The following ANKHD1 variants were observed in gnomAD, a reference collection of about 807,000 sequenced individuals.
The protein encoded by ANKHD1 is ankyrin repeat and KH domain containing 1, also known as ankyrin repeat and KH domain-containing protein 1.
A neutral mutation model predicts 230.5 loss-of-function variants in ANKHD1; 31 were observed. The observed-to-expected ratio is 0.13, with a 90% CI of 0.10 to 0.18. ANKHD1 has a LOEUF of 0.18. ANKHD1 is among the 10% of genes least tolerant of loss of function. The pLI, the probability that ANKHD1 is intolerant of heterozygous loss-of-function variation, is 1.00. For missense variants in ANKHD1, 2,256 were observed against 3,071.3 expected, an observed-to-expected ratio of 0.73 and a Z score of 6.27; for synonymous variants, 1,074 against 1,117.6, an observed-to-expected ratio of 0.96 and a Z score of 0.78.
Position 140,436,246 on chromosome 5 carries a change from T to C in ANKHD1, c.449T>C (p.Leu150Pro). 6.4e-7 allele frequency: 1 copy of C among 1,570,686 alleles called. No homozygotes were observed. The highest frequency in any genetic ancestry group is 1.2e-5 in the South Asian group (1 of 83,202). ...ACACAGGCACGACTAGAAGCATTGCTAGAAGCAGCAGGTACTTTATTTTTT... is the reference window on the plus strand; with the variant it reads ...ACACAGGCACGACTAGAAGCATTGCCAGAAGCAGCAGGTACTTTATTTTTT... ...PETQARLEAL[L>P]EAAGIGKLST... Residue 150 changes from leucine to proline, a missense_variant, in exon 2 of 34, where the codon CTA (leucine) becomes CCA (proline). Around this residue, in one of 13 missense-constraint regions of ANKHD1, gnomAD observed 206 missense variants for 304.5 expected, o/e 0.68. Coordinates refer to ENST00000360839, the MANE Select transcript of ANKHD1 (RefSeq NM_017747.3).
chr5:140,440,224 G>A lies in ANKHD1; in HGVS notation c.723G>A (p.Leu241=), dbSNP rs912613351. 3 of 1,613,338 alleles carry A rather than the reference G, an allele frequency of 1.9e-6. No individual in the cohort carries two copies. Among genetic ancestry groups the A allele is most frequent in the Non-Finnish European group, 2.5e-6 (3 of 1,179,570 alleles). ...VNEHTEEGES[L]LCLACSAGYY... is the part of the protein sequence containing the mutation. ...AACATACAGAAGAAGGAGAAAGCCT[G>A]CTGTGTTTGGCTTGTTCAGCAGGGT... Residue 241 remains leucine, a synonymous_variant, in exon 4 of 34, where the codon CTG becomes CTA. Transcript: ENST00000360839.
chr5:140,418,757 G>C (rs1264419830), intron 1 of ANKHD1, among the ~76,000 whole-genome samples: 1 of 152,148 alleles, frequency 6.6e-6, no homozygotes, highest in Non-Finnish European at 1.5e-5. Context: ...TTGAGTCCGA[G>C]TCTTGCTCTG....
intron 7 of ANKHD1, 35 bp downstream of exon 7, chr5:140,449,340 G>T (rs1453906001): frequency 1.3e-6 from 2 of 1,599,832 alleles, no homozygotes; most frequent in Non-Finnish European, 1.7e-6. Context: ...AGATTTTATG[G>T]GAAGAAAAGG....
chr5:140,438,322 C>A, intron 2 of ANKHD1, 139 bp from the exon 3 acceptor site: 1 of 1,255,644 alleles, frequency 8.0e-7, no homozygotes, highest in Non-Finnish European at 1.0e-6. Flanking sequence ...TAAGCCTTAT[C>A]TTCTGTCAAC....
chr5:140,423,568 C>T (rs192508954), intron 1 of ANKHD1, among the ~76,000 whole-genome samples: 120 of 152,350 alleles, frequency 7.9e-4, no homozygotes, highest in African/African-American at 2.8e-3. Context: ...GCCTGTGATG[C>T]TTCAGGGCCT....
intron 10 of ANKHD1, among the ~76,000 whole-genome samples, chr5:140,478,585 G>A (rs1406645720): frequency 6.6e-6 from 1 of 152,040 alleles, no homozygotes; most frequent in Non-Finnish European, 1.5e-5. Context: ...TATATAGAAG[G>A]TAAAGGTTCA....
At chr5:140,471,332 G>A (rs1776481850) in intron 10 of ANKHD1, among the ~76,000 whole-genome samples, 1 of 152,056 alleles carries the variant, frequency 6.6e-6, no homozygotes, top group African/African-American at 2.4e-5. Context: ...TTTATTGTTT[G>A]TTTTGTAGGA....
chr5:140,526,164 C>G lies in ANKHD1; in HGVS notation c.4661C>G (p.Pro1554Arg). 6.2e-7 allele frequency: 1 copy of G among 1,613,722 alleles called. No homozygotes were observed. Among genetic ancestry groups the G allele is most frequent in the Non-Finnish European group, 8.5e-7 (1 of 1,179,958 alleles). ...KNKKNKTKET[P>R]PTAHLILPEQ... ...AAGAAGAACAAAACAAAAGAAACCCCTCCTACAGCACATTTAATTTTACCA... is the reference window on the plus strand; with the variant it reads ...AAGAAGAACAAAACAAAAGAAACCCGTCCTACAGCACATTTAATTTTACCA... The change falls in exon 26 of 34, where the codon CCT becomes CGT. Residue 1554 changes from proline (P) to arginine (R), a missense_variant. Coordinates refer to ENST00000360839, the MANE Select transcript of ANKHD1 (RefSeq NM_017747.3).
intron 24 of ANKHD1, among the ~76,000 whole-genome samples, chr5:140,515,805 T>A (rs1752975888): frequency 6.6e-6 from 1 of 152,028 alleles, no homozygotes; most frequent in Non-Finnish European, 1.5e-5. Context: ...TACATCACCA[T>A]CATCAAAGAC....
chr5:140,510,822 T>C (rs998427761), intron 22 of ANKHD1, among the ~76,000 whole-genome samples: 2 of 151,806 alleles, frequency 1.3e-5, no homozygotes, highest in African/African-American at 4.8e-5. Context: ...TGTGTGCGTG[T>C]GTGTGTGTGT....
At chr5:140,508,255 A>G (rs1296452508) in intron 20 of ANKHD1, among the ~76,000 whole-genome samples, 1 of 152,190 alleles carries the variant, frequency 6.6e-6, no homozygotes, top group Non-Finnish European at 1.5e-5. Flanking sequence ...ACTGCAGCTT[A>G]CAACTTTTGA....
rs774918744 is a variant in ANKHD1, at chr5:140,402,174, C to A, written c.207C>A (p.Gly69=). The A allele has an allele frequency of 6.6e-7, 1 of 1,524,830 alleles. No homozygotes were observed. The highest frequency in any genetic ancestry group is 1.2e-5 in the South Asian group (1 of 81,478). The allele number at this position is 1,524,830 out of a possible 1,614,324, so 94.5% of individuals were successfully genotyped here. ...GCGGCGGCAGCGGCAGCGGTACGGG[C>A]GGAGGGGACGCGGCGCTGGATTTCA... ...SGGGGSGSGT[G]GGDAALDFKL... Residue 69 remains glycine (G), a synonymous_variant, in exon 1 of 34, where the codon GGC becomes GGA. Transcript: ENST00000360839.
intron 15 of ANKHD1, among the ~76,000 whole-genome samples, chr5:140,499,871 CTTTT>C (rs543786978): frequency 7.1e-6 from 1 of 140,446 alleles, no homozygotes. Flanking sequence ...AATTTTCTTT[CTTTT>C]TTTTTTTTTT....
intron 10 of ANKHD1, among the ~76,000 whole-genome samples, chr5:140,476,242 T>C (rs1750960658): frequency 1.3e-5 from 2 of 151,728 alleles, no homozygotes; most frequent in Admixed American, 6.6e-5. Context: ...AGAAAGAGAA[T>C]AGATTAGAAG....
intron 24 of ANKHD1, 37 bp from the exon 25 acceptor site, chr5:140,524,029 C>G (rs1393890007): frequency 1.3e-6 from 2 of 1,538,964 alleles, no homozygotes; most frequent in African/African-American, 2.9e-5. Flanking sequence ...TACATTACTG[C>G]CTTATTGGTA....
rs77352931 is a variant in ANKHD1, at chr5:140,459,870, G to A, written c.1672+515G>A. Among the ~76,000 whole-genome samples, 310 of 152,242 alleles carry A rather than the reference G, an allele frequency of 2.0e-3. 2 individuals carry two copies. The highest frequency in any genetic ancestry group is 7.2e-3 in the African/African-American group (299 of 41,548). On this transcript the variant is annotated intron_variant, in intron 9 of 33. Coordinates refer to ENST00000360839, the MANE Select transcript of ANKHD1 (RefSeq NM_017747.3). The stretch of plus-strand genomic sequence containing the variant: ...TGTTAACTTTTTCATTTCTATAAAA[G>A]TTGAAAGACAGCTGCATAATTTAAC...
rs760915888 is a variant in ANKHD1, at chr5:140,459,346, C to T, written c.1663C>T (p.Leu555=). The T allele has an allele frequency of 6.4e-7, 1 of 1,568,844 alleles. No individual in the cohort carries two copies. Among genetic ancestry groups the T allele is most frequent in the Non-Finnish European group, 8.7e-7 (1 of 1,151,238 alleles). The stretch of plus-strand genomic sequence containing the variant: ...ACACCTGGAATTGGTTAAATATTTG[C>T]TGGCTTCTGGTATGTGGCTTTAAGA... ...EGHLELVKYL[L]ASGANVHATT... The change falls in exon 9 of 34, where the codon CTG becomes TTG. Residue 555 remains leucine (L), a synonymous_variant. Transcript: ENST00000360839.
intron 24 of ANKHD1, among the ~76,000 whole-genome samples, chr5:140,514,722 G>A (rs1029531939): frequency 6.6e-6 from 1 of 152,166 alleles, no homozygotes; most frequent in Non-Finnish European, 1.5e-5. Context: ...TGTAATCCCA[G>A]CATTTTGGGA....
intron 7 of ANKHD1, among the ~76,000 whole-genome samples, chr5:140,453,300 T>A (rs1451317425): frequency 6.6e-6 from 1 of 152,160 alleles, no homozygotes; most frequent in East Asian, 1.9e-4. Flanking sequence ...CAGGATGTTA[T>A]CCAGGAGAAC....
Sources: gnomAD v4.1 joint callset for allele counts (sites outside exome capture counted in the v4.1 genomes callset) on GRCh38, gnomAD v4.1.1 for gene constraint, gnomAD v4.1.1 regional missense constraint, MANE v1.5 for transcripts, NCBI Gene and HGNC (gene_info 2026-07-23, HGNC 2026-07-21) for gene names.